Variants in SGCG observed in about 807,000 individuals in gnomAD.
SGCG encodes the protein sarcoglycan gamma.
Under a neutral mutation model 29.3 loss-of-function variants are expected in SGCG, and 26 were observed. That is an observed-to-expected ratio of 0.89 (90% CI 0.65 to 1.23). The LOEUF (loss-of-function observed/expected upper bound fraction) is 1.23, where lower values mean the gene tolerates loss of function less well. Ranked by LOEUF, SGCG falls within the 50% of genes most tolerant of loss-of-function variation. SGCG has a pLI of 0.00. For missense variants in SGCG, 353 were observed against 356.0 expected, an observed-to-expected ratio of 0.99 and a Z score of 0.07; for synonymous variants, 145 against 129.7, an observed-to-expected ratio of 1.12 and a Z score of -0.80.
intron 2 of SGCG, among the ~76,000 whole-genome samples, chr13:23,218,318 C>T (rs866364025): frequency 3.3e-4 from 50 of 152,174 alleles, no homozygotes; most frequent in Middle Eastern, 3.4e-3. Context: ...TATGTAAGTT[C>T]TTTATAAAAC....
chr13:23,249,457 GAGAC>G (rs1245495739), intron 3 of SGCG, among the ~76,000 whole-genome samples: 1 of 152,176 alleles, frequency 6.6e-6, no homozygotes, highest in Non-Finnish European at 1.5e-5. Flanking sequence ...TTTGTCTTGG[GAGAC>G]AGAGGAATTT....
At chr13:23,170,894 C>T in the SGCG span, among the ~76,000 whole-genome samples, 1 of 152,156 alleles carries the variant, frequency 6.6e-6, no homozygotes, top group Non-Finnish European at 1.5e-5. Context: ...TGTGTGTGGT[C>T]AAGCCTAATG....
intron 1 of SGCG, among the ~76,000 whole-genome samples, chr13:23,193,309 G>A (rs73168637): frequency 0.032 from 4,888 of 152,304 alleles, 159 homozygotes; most frequent in East Asian, 0.18. Context: ...GCAGTGGGAA[G>A]CCACGAGTGA....
chr13:23,231,329 C>CTT (rs57796934), intron 2 of SGCG, among the ~76,000 whole-genome samples: 3,544 of 145,448 alleles, frequency 0.024, 78 homozygotes, highest in Non-Finnish European at 0.038. Context: ...CCCTCTTTCT[C>CTT]TTTTTTTTTT....
intron 1 of SGCG, among the ~76,000 whole-genome samples, chr13:23,193,595 G>C (rs1446097699): frequency 6.6e-6 from 1 of 152,180 alleles, no homozygotes; most frequent in African/African-American, 2.4e-5. Flanking sequence ...CATGGACTGA[G>C]ATGGGAATAG....
chr13:23,253,114 G>T (rs908140684), intron 4 of SGCG, among the ~76,000 whole-genome samples: 1 of 133,908 alleles, frequency 7.5e-6, no homozygotes, highest in Non-Finnish European at 1.6e-5. Context: ...TGGGTCAGTG[G>T]CTCACTCCCG....
chr13:23,211,536 A>G (rs1878212941), intron 2 of SGCG, among the ~76,000 whole-genome samples: 1 of 152,190 alleles, frequency 6.6e-6, no homozygotes, highest in African/African-American at 2.4e-5. Context: ...ACTTACCTGC[A>G]CATCACTTCT....
intron 1 of SGCG, among the ~76,000 whole-genome samples, chr13:23,181,892 A>T (rs1876750491): frequency 6.6e-6 from 1 of 152,190 alleles, no homozygotes; most frequent in Non-Finnish European, 1.5e-5. Context: ...TACGGAATAC[A>T]CCGTTTGTTT....
chr13:23,248,721 G>A (rs1593196373), intron 3 of SGCG, among the ~76,000 whole-genome samples: 1 of 147,586 alleles, frequency 6.8e-6, no homozygotes, highest in Admixed American at 6.8e-5. Flanking sequence ...GGCCGGGTTC[G>A]GTGGCTGATG....
At chr13:23,279,532 A>C (rs2137617899) in intron 5 of SGCG, 54 bp downstream of exon 5, 1 of 1,561,596 alleles carries the variant, frequency 6.4e-7, no homozygotes, top group South Asian at 1.1e-5. Flanking sequence ...CATCTGCAAA[A>C]ACACATTGTA....
chr13:23,234,517 T>G, intron 2 of SGCG, 94 bp from the exon 3 acceptor site: 1 of 856,810 alleles, frequency 1.2e-6, no homozygotes. Flanking sequence ...GTAGGCAATA[T>G]ATGGAAATAC....
intron 4 of SGCG, among the ~76,000 whole-genome samples, chr13:23,272,741 G>C (rs533247159): frequency 2.0e-5 from 3 of 152,254 alleles, no homozygotes; most frequent in African/African-American, 7.2e-5. Flanking sequence ...CACCATCTGT[G>C]CTTGGTTCTT....
Position 23,234,666 on chromosome 13 carries a change from C to G in SGCG, c.251C>G (p.Ser84Ter), listed in dbSNP as rs1251510736. The change falls in exon 3 of 8, where the codon TCA (serine) becomes TGA (stop). Residue 84 changes from serine (S) to a stop codon, truncating the protein, a stop_gained. Transcript: ENST00000218867. LOFTEE classifies it high-confidence loss of function. ...GATGGACTGCGCTTGGAAGGGGAAT[C>G]AGAATTTTTATTCCCATTGTATGCC... ...TKDGLRLEGESEFLFPLYAKE... is the reference protein window; with the variant it reads ...TKDGLRLEGE The G allele has an allele frequency of 6.2e-7, 1 of 1,612,230 alleles. No homozygotes were observed. The highest frequency in any genetic ancestry group is 1.1e-5 in the South Asian group (1 of 91,032).
the SGCG span, among the ~76,000 whole-genome samples, chr13:23,164,816 A>T: frequency 6.6e-6 from 1 of 152,132 alleles, no homozygotes; most frequent in East Asian, 1.9e-4. Flanking sequence ...CTCACAGCAG[A>T]TGACCTCCCT....
intron 1 of SGCG, among the ~76,000 whole-genome samples, chr13:23,187,043 T>C (rs978242445): frequency 2.6e-5 from 4 of 152,170 alleles, no homozygotes; most frequent in Admixed American, 2.0e-4. Context: ...GTGGACAGTT[T>C]AGACATTCAG....
intron 5 of SGCG, among the ~76,000 whole-genome samples, chr13:23,282,733 C>T (rs9578565): frequency 0.02 from 3,057 of 152,172 alleles, 112 homozygotes; most frequent in African/African-American, 0.07. Context: ...TGAGCATTTA[C>T]GGTGATTCTA....
chr13:23,280,439 C>T (rs1332893289), intron 5 of SGCG, among the ~76,000 whole-genome samples: 1 of 152,118 alleles, frequency 6.6e-6, no homozygotes, highest in Non-Finnish European at 1.5e-5. Context: ...GAAGTAGACT[C>T]CACCCTATTA....
At chr13:23,205,741 C>A (rs1469364172) in intron 2 of SGCG, among the ~76,000 whole-genome samples, 1 of 152,052 alleles carries the variant, frequency 6.6e-6, no homozygotes. Flanking sequence ...CCGGCCATCA[C>A]TGCAGCTGCC....
chr13:23,288,924 T>C (rs1370408787), intron 5 of SGCG, among the ~76,000 whole-genome samples: 2 of 152,180 alleles, frequency 1.3e-5, no homozygotes, highest in African/African-American at 4.8e-5. Flanking sequence ...AAATAAGATC[T>C]AGCAATAGTC....
Sources: gnomAD v4.1 joint callset for allele counts (sites outside exome capture counted in the v4.1 genomes callset) on GRCh38, gnomAD v4.1.1 for gene constraint, MANE v1.5 for transcripts, NCBI Gene and HGNC (gene_info 2026-07-23, HGNC 2026-07-21) for gene names.